The following LRMDA variants were observed in gnomAD, a reference collection of about 807,000 sequenced individuals.
The protein encoded by LRMDA is leucine rich melanocyte differentiation associated.
LRMDA carries 18 observed loss-of-function variants against 29.8 expected under a neutral mutation model. That is an observed-to-expected ratio of 0.60 (90% CI 0.42 to 0.90). LRMDA has a LOEUF of 0.90. LRMDA is among the 40% of genes least tolerant of loss of function. The pLI, the probability that LRMDA is intolerant of heterozygous loss-of-function variation, is 0.00. For missense variants in LRMDA, 273 were observed against 273.9 expected, an observed-to-expected ratio of 1.00 and a Z score of 0.02; for synonymous variants, 125 against 109.4, an observed-to-expected ratio of 1.14 and a Z score of -0.89.
At chr10:76,443,135 A>C (rs1842320728) in intron 6 of LRMDA, among the ~76,000 whole-genome samples, 1 of 152,206 alleles carries the variant, frequency 6.6e-6, no homozygotes, top group Non-Finnish European at 1.5e-5. Context: ...TCCTAGAATC[A>C]TGAAAGCCAT....
intron 5 of LRMDA, among the ~76,000 whole-genome samples, chr10:76,151,537 G>C (rs1019500824): frequency 1.3e-5 from 2 of 152,160 alleles, no homozygotes; most frequent in African/African-American, 2.4e-5. Flanking sequence ...GCACATATCA[G>C]GGGCCAAACA....
At chr10:76,226,075 C>T (rs1589384061) in intron 5 of LRMDA, among the ~76,000 whole-genome samples, 1 of 152,000 alleles carries the variant, frequency 6.6e-6, no homozygotes, top group Non-Finnish European at 1.5e-5. Flanking sequence ...TTTATGGCTG[C>T]ATAGTATTCC....
intron 5 of LRMDA, among the ~76,000 whole-genome samples, chr10:76,198,752 A>G (rs1336121980): frequency 6.6e-6 from 1 of 152,204 alleles, no homozygotes; most frequent in Admixed American, 6.5e-5. Context: ...ATATGTTTAT[A>G]AATTATCCTA....
intron 5 of LRMDA, among the ~76,000 whole-genome samples, chr10:76,234,932 C>T (rs1252652372): frequency 6.6e-6 from 1 of 152,238 alleles, no homozygotes; most frequent in Non-Finnish European, 1.5e-5. Context: ...CATGTGCTCA[C>T]TGGAGTAGCA....
At chr10:75,472,013 CA>C (rs1844733299) in intron 2 of LRMDA, among the ~76,000 whole-genome samples, 1 of 152,130 alleles carries the variant, frequency 6.6e-6, no homozygotes, top group African/African-American at 2.4e-5. Flanking sequence ...CAGGGAGAGC[CA>C]AAATCATCTG....
intron 5 of LRMDA, among the ~76,000 whole-genome samples, chr10:76,225,604 C>T (rs1390989182): frequency 6.6e-6 from 1 of 151,920 alleles, no homozygotes; most frequent in Non-Finnish European, 1.5e-5. Context: ...TCTCTCTTTT[C>T]TTCTCTCTCC....
chr10:75,496,986 G>A (rs1331261538), intron 2 of LRMDA, among the ~76,000 whole-genome samples: 2 of 151,488 alleles, frequency 1.3e-5, no homozygotes, highest in African/African-American at 4.9e-5. Context: ...TCCTGGCCTA[G>A]CTTTTTTTTT....
At position 76,359,994 on chromosome 10, in the gene LRMDA, G is replaced by GTT. The variant is rs577715202; in HGVS notation, c.601+35517_601+35518dup. On this transcript the variant is annotated intron_variant, in intron 6 of 6. Coordinates refer to ENST00000611255, the MANE Select transcript of LRMDA (RefSeq NM_001305581.2). ...GTCCAGTGGCATTTCTTTTTCTTTTGTTTTTTTTTATTTTTTTGAGACGCA... is the reference window on the plus strand; with the variant it reads ...GTCCAGTGGCATTTCTTTTTCTTTTGTTTTTTTTTTTATTTTTTTGAGACGCA... 2.3e-4 allele frequency among the ~76,000 whole-genome samples: 34 copies of GTT among 150,756 alleles called. 1 individual carries two copies. The South Asian group carries it at 3.4e-3, about 15-fold the overall frequency.
chr10:75,827,856 C>A (rs958885089), intron 2 of LRMDA, among the ~76,000 whole-genome samples: 5 of 152,122 alleles, frequency 3.3e-5, no homozygotes, highest in African/African-American at 1.2e-4. Flanking sequence ...AGATGGTGAT[C>A]TTTGGTGTTC....
intron 2 of LRMDA, among the ~76,000 whole-genome samples, chr10:75,511,630 A>G (rs984148043): frequency 6.6e-6 from 1 of 152,186 alleles, no homozygotes; most frequent in Non-Finnish European, 1.5e-5. Context: ...TGTCCACATA[A>G]TGGTTCTCAC....
At chr10:76,426,628 T>C (rs1271740487) in intron 6 of LRMDA, among the ~76,000 whole-genome samples, 1 of 152,248 alleles carries the variant, frequency 6.6e-6, no homozygotes, top group Non-Finnish European at 1.5e-5. Context: ...TTGTCAATTT[T>C]GGCTTTTGTT....
intron 5 of LRMDA, among the ~76,000 whole-genome samples, chr10:76,299,564 T>C (rs533238708): frequency 1.3e-5 from 2 of 151,528 alleles, no homozygotes; most frequent in African/African-American, 4.8e-5. Context: ...GTACAATGAA[T>C]GGTCAGTTAG....
chr10:75,810,854 C>A (rs1458532622), intron 2 of LRMDA, among the ~76,000 whole-genome samples: 4 of 152,216 alleles, frequency 2.6e-5, no homozygotes, highest in African/African-American at 9.6e-5. Context: ...GCTGTATAGA[C>A]ACCTTATCAG....
At chr10:75,470,484 G>C (rs941687048) in intron 2 of LRMDA, among the ~76,000 whole-genome samples, 1 of 152,186 alleles carries the variant, frequency 6.6e-6, no homozygotes, top group Non-Finnish European at 1.5e-5. Context: ...GAGACACAGC[G>C]AGACTCAGTC....
intron 6 of LRMDA, among the ~76,000 whole-genome samples, chr10:76,347,472 C>T (rs1233509193): frequency 6.6e-6 from 1 of 152,134 alleles, no homozygotes; most frequent in Non-Finnish European, 1.5e-5. Flanking sequence ...TCAACAACCA[C>T]CTGAGAGATA....
intron 2 of LRMDA, among the ~76,000 whole-genome samples, chr10:75,959,775 C>T (rs1846730859): frequency 6.6e-6 from 1 of 152,166 alleles, no homozygotes; most frequent in South Asian, 2.1e-4. Flanking sequence ...AACTGGCATC[C>T]AACTGGTTGA....
At chr10:75,900,593 T>C (rs1489870390) in intron 2 of LRMDA, among the ~76,000 whole-genome samples, 1 of 152,190 alleles carries the variant, frequency 6.6e-6, no homozygotes, top group Non-Finnish European at 1.5e-5. Flanking sequence ...TTTCAGCCTG[T>C]GCAGTGCATT....
chr10:76,292,847 A>T (rs956147607), intron 5 of LRMDA, among the ~76,000 whole-genome samples: 1 of 152,212 alleles, frequency 6.6e-6, no homozygotes, highest in Admixed American at 6.5e-5. Flanking sequence ...TTAAGATGCC[A>T]TAGACATGGC....
At chr10:75,787,911 C>G (rs980851720) in intron 2 of LRMDA, among the ~76,000 whole-genome samples, 3 of 152,204 alleles carry the variant, frequency 2.0e-5, no homozygotes, top group Non-Finnish European at 4.4e-5. Context: ...CACCTGTAGT[C>G]CCAGCTACTT....
Sources: allele counts gnomAD v4.1 joint callset (sites outside exome capture counted in the v4.1 genomes callset), GRCh38; gene constraint gnomAD v4.1.1; transcripts MANE v1.5; gene names NCBI Gene and HGNC (gene_info 2026-07-23, HGNC 2026-07-21).